Variants in FBXO22 observed in about 807,000 individuals in gnomAD.
FBXO22 encodes F-box protein 22, also known as F-box only protein 22.
FBXO22 carries 13 observed loss-of-function variants against 37.2 expected under a neutral mutation model. The observed-to-expected ratio is 0.35, with a 90% CI of 0.23 to 0.56. FBXO22 has a LOEUF of 0.56. Ranked by LOEUF, FBXO22 falls within the 20% of genes least tolerant of loss-of-function variation. FBXO22 has a pLI of 0.87. For synonymous variants in FBXO22, 189 were observed against 189.1 expected (o/e 1.00, Z 0.00); for missense variants, 446 against 509.9 (o/e 0.87, Z 1.21).
rs1458545578 is a variant in FBXO22, at chr15:75,932,903, G to T, written c.1013G>T (p.Gly338Val). ...GGCTTTCAGTATTACAGAGCCAAGG[G>T]GAATGTTGAGGCTGATGCATTTAGA... ...GRGFQYYRAK[G>V]NVEADAFRKF... Residue 338 changes from glycine (G) to valine (V), a missense_variant, in exon 7 of 7, where the codon GGG becomes GTG. Physicochemically the swap from Gly to Val is moderately radical, Grantham distance 109. Around this residue, in one of 2 missense-constraint regions of FBXO22, gnomAD observed 315 missense variants for 410.1 expected, o/e 0.77. Transcript: ENST00000308275. 1.2e-6 allele frequency: 2 copies of T among 1,614,206 alleles called. No homozygotes were observed. Among genetic ancestry groups the T allele is most frequent in the East Asian group, 2.2e-5 (1 of 44,888 alleles).
chr15:75,927,662 A>G (rs777148157), intron 5 of FBXO22, among the ~76,000 whole-genome samples: 5 of 152,232 alleles, frequency 3.3e-5, no homozygotes, highest in African/African-American at 7.2e-5. Flanking sequence ...TGCTTTAGCA[A>G]TGGTTTGGGG....
chr15:75,904,283 C>A, intron 1 of FBXO22, 180 bp downstream of exon 1: 2 of 1,119,806 alleles, frequency 1.8e-6, no homozygotes, highest in Non-Finnish European at 2.5e-6. Flanking sequence ...CCCGGGGGGA[C>A]TTCCCTGAGG....
chr15:75,910,812 G>A (rs563684313), intron 2 of FBXO22, among the ~76,000 whole-genome samples: 1 of 152,070 alleles, frequency 6.6e-6, no homozygotes, highest in African/African-American at 2.4e-5. Context: ...CATTGCTTTT[G>A]GTGTTTTAGT....
intron 6 of FBXO22, among the ~76,000 whole-genome samples, chr15:75,931,332 ACT>A (rs1360197190): frequency 2.4e-4 from 36 of 152,058 alleles, no homozygotes; most frequent in Admixed American, 6.6e-5. Context: ...TGGTCTTCAT[ACT>A]CTGTCAGTGG....
Position 75,934,872 on chromosome 15 carries a change from C to G in FBXO22, c.*1770C>G, listed in dbSNP as rs1220370037. On this transcript the variant is annotated 3_prime_UTR_variant, in exon 7 of 7. Coordinates refer to ENST00000308275, the MANE Select transcript of FBXO22 (RefSeq NM_147188.3). Reference sequence around the variant, plus strand: ...AAACTGAAAATATGAACAAAATGAGCCTTAGAATTGAATGGATTATTTTAA... The same window carrying G: ...AAACTGAAAATATGAACAAAATGAGGCTTAGAATTGAATGGATTATTTTAA... 1.3e-5 allele frequency: 2 copies of G among 152,010 alleles called. No homozygotes were observed. 9.4% of individuals were successfully genotyped at this position (152,010 alleles called of 1,614,324 possible).
intron 4 of FBXO22, among the ~76,000 whole-genome samples, chr15:75,915,184 T>C (rs1900155506): frequency 6.6e-6 from 1 of 151,920 alleles, no homozygotes. Flanking sequence ...TTGGCCAGGC[T>C]GGTCTCAAAT....
At chr15:75,930,163 G>A in intron 6 of FBXO22, 114 bp downstream of exon 6, 3 of 1,551,746 alleles carry the variant, frequency 1.9e-6, no homozygotes, top group South Asian at 1.2e-5. Context: ...TAAGATAATA[G>A]TTCATTCCAT....
At position 75,917,333 on chromosome 15, in the gene FBXO22, C is replaced by T. The variant is rs779878931; in HGVS notation, c.567C>T (p.Pro189=). The change falls in exon 5 of 7, where the codon CCC becomes CCT. Residue 189 remains proline (P), a synonymous_variant. Coordinates refer to ENST00000308275, the MANE Select transcript of FBXO22 (RefSeq NM_147188.3). ...FPQIEGIKIQ[P]FHFIKDPKNL... is the part of the protein sequence containing the mutation. ...AAATTGAAGGAATAAAAATACAACC[C>T]TTTCATTTTATTAAGGATCCAAAGA... The T allele has an allele frequency of 6.2e-7, 1 of 1,606,864 alleles. No homozygotes were observed. The highest frequency in any genetic ancestry group is 8.5e-7 in the Non-Finnish European group (1 of 1,174,386).
intron 1 of FBXO22, 135 bp downstream of exon 1, chr15:75,904,238 C>T (rs1013792049): frequency 2.3e-6 from 3 of 1,280,950 alleles, no homozygotes; most frequent in South Asian, 3.1e-5. Flanking sequence ...CCTGAGGTGA[C>T]CCCCTACCCG....
At chr15:75,904,690 CTATT>C in intron 2 of FBXO22, 61 bp downstream of exon 2, 1 of 1,498,148 alleles carries the variant, frequency 6.7e-7, no homozygotes, top group Non-Finnish European at 8.9e-7. Context: ...TCTTTGAGAA[CTATT>C]TTTTTTTAAA....
At chr15:75,923,046 C>CT (rs1350986955) in intron 5 of FBXO22, among the ~76,000 whole-genome samples, 3 of 151,994 alleles carry the variant, frequency 2.0e-5, no homozygotes, top group Non-Finnish European at 4.4e-5. Flanking sequence ...TGTGTGCTGC[C>CT]TTTTTTGTCC....
In FBXO22 at chr15:75,936,165, T is replaced by C. The variant is rs1170374285; in HGVS notation, c.*3063T>C. 3.3e-5 allele frequency: 5 copies of C among 152,232 alleles called. No homozygotes were observed. The highest frequency in any genetic ancestry group is 1.2e-4 in the African/African-American group (5 of 41,466). 9.4% of individuals were successfully genotyped at this position (152,232 alleles called of 1,614,324 possible). Reference sequence around the variant, plus strand: ...TGCTTTTGTCATTTTATACCCAGTCTGGCCCAGGTTTGCACTGCCATAAAT... The same window carrying C: ...TGCTTTTGTCATTTTATACCCAGTCCGGCCCAGGTTTGCACTGCCATAAAT... On this transcript the variant is annotated 3_prime_UTR_variant, in exon 7 of 7. Coordinates refer to ENST00000308275, the MANE Select transcript of FBXO22 (RefSeq NM_147188.3).
In FBXO22 at chr15:75,934,910, T is replaced by A. The variant is rs1312047860; in HGVS notation, c.*1808T>A. 1 of 152,226 alleles carries A rather than the reference T, an allele frequency of 6.6e-6. No individual in the cohort carries two copies. The highest frequency in any genetic ancestry group is 1.5e-5 in the Non-Finnish European group (1 of 68,038). 9.4% of individuals were successfully genotyped at this position (152,226 alleles called of 1,614,324 possible). A position where few individuals can be genotyped will look rare whatever the true frequency, so the allele number is the denominator to read the frequency against. ...TGGATTATTTTAAACAAATTAATACTCATATAAAATGTTTTGCTGCTTCTC... is the reference window on the plus strand; with the variant it reads ...TGGATTATTTTAAACAAATTAATACACATATAAAATGTTTTGCTGCTTCTC... On this transcript the variant is annotated 3_prime_UTR_variant, in exon 7 of 7. Transcript: ENST00000308275.
chr15:75,909,841 C>G (rs1031001215), intron 2 of FBXO22, among the ~76,000 whole-genome samples: 1 of 150,244 alleles, frequency 6.7e-6, no homozygotes, highest in East Asian at 2.0e-4. Context: ...TAGGTATACA[C>G]GTGCCATGGT....
intron 6 of FBXO22, chr15:75,930,284 C>G (rs1467342350): frequency 4.3e-6 from 6 of 1,401,008 alleles, no homozygotes; most frequent in Non-Finnish European, 5.6e-6. Context: ...TCACATTCTC[C>G]TTAAAATTTG....
At chr15:75,912,345 T>G (rs1900077223) in intron 2 of FBXO22, among the ~76,000 whole-genome samples, 1 of 152,172 alleles carries the variant, frequency 6.6e-6, no homozygotes, top group Non-Finnish European at 1.5e-5. Flanking sequence ...GAAGGAATGG[T>G]ATTAGTTCCT....
At position 75,903,909 on chromosome 15, in the gene FBXO22, C is replaced by A. The variant is rs1385892018; in HGVS notation, c.-55C>A. On this transcript the variant is annotated 5_prime_UTR_variant, in exon 1 of 7. Transcript: ENST00000308275. Reference sequence around the variant, plus strand: ...CGCCGGCCGGGCAACCCTATGCTGGCGTAATCGGGTTCCTCCGAGCCGCCG... The same window carrying A: ...CGCCGGCCGGGCAACCCTATGCTGGAGTAATCGGGTTCCTCCGAGCCGCCG... 7 of 1,448,264 alleles carry A rather than the reference C, an allele frequency of 4.8e-6. No homozygotes were observed. In the Admixed American group the frequency reaches 7.4e-5, roughly 15 times the overall value. The allele number at this position is 1,448,264 out of a possible 1,614,324, so 89.7% of individuals were successfully genotyped here.
In FBXO22 at chr15:75,904,059, T is replaced by G; in HGVS notation, c.96T>G (p.Arg32=). 6.4e-7 allele frequency: 1 copy of G among 1,555,486 alleles called. No homozygotes were observed. The highest frequency in any genetic ancestry group is 8.7e-7 in the Non-Finnish European group (1 of 1,148,690). ...GTAACCTGGCGGAGGTGGTGGAGCG[T>G]GTGCTCACCTTCCTGCCCGCCAAGG... ...VLSNLAEVVE[R]VLTFLPAKAL... is the part of the protein sequence containing the mutation. The change falls in exon 1 of 7, where the codon CGT becomes CGG. Residue 32 remains arginine, a synonymous_variant. Coordinates refer to ENST00000308275, the MANE Select transcript of FBXO22 (RefSeq NM_147188.3).
chr15:75,913,409 C>A, intron 3 of FBXO22, 119 bp downstream of exon 3: 1 of 613,876 alleles, frequency 1.6e-6, no homozygotes, highest in Admixed American at 2.7e-5. Flanking sequence ...GGACTGCCAC[C>A]TGTAGTATGC....
Sources: allele counts gnomAD v4.1 joint callset (sites outside exome capture counted in the v4.1 genomes callset), GRCh38; gene constraint gnomAD v4.1.1; regional missense constraint gnomAD v4.1.1; transcripts MANE v1.5; gene names NCBI Gene and HGNC (gene_info 2026-07-23, HGNC 2026-07-21).